The following ABCC6 variants were observed in gnomAD, a reference collection of about 807,000 sequenced individuals.
The protein encoded by ABCC6 is ATP binding cassette subfamily C member 6, also known as ATP-binding cassette sub-family C member 6.
Under a neutral mutation model 169.5 loss-of-function variants are expected in ABCC6, and 126 were observed. That is an observed-to-expected ratio of 0.74 (90% CI 0.64 to 0.86). The LOEUF is 0.86. Among genes scored for constraint, ABCC6 ranks in the 40% least tolerant of loss-of-function variants. The pLI, the probability that ABCC6 is intolerant of heterozygous loss-of-function variation, is 0.00. For synonymous variants in ABCC6, 752 were observed against 814.7 expected (o/e 0.92, Z 1.31); for missense variants, 1,733 against 1,927.2 (o/e 0.90, Z 1.89).
At chr16:16,174,917 C>T (rs369642198) in intron 20 of ABCC6, among the ~76,000 whole-genome samples, 3 of 151,308 alleles carry the variant, frequency 2.0e-5, no homozygotes, top group East Asian at 4.0e-4. Context: ...CATGCCACCA[C>T]GCCGGCTTTT....
In ABCC6 at chr16:16,190,257, G is replaced by T; in HGVS notation, c.1542C>A (p.Val514=). ...HGWEGAFLDR[V]LGIRGQELGA... ...CCAGCTCCTGGCCTCGGATGCCCAGGACTCTGTCCAGAAAGGCTCCCTCCC... is the reference window on the plus strand; with the variant it reads ...CCAGCTCCTGGCCTCGGATGCCCAGTACTCTGTCCAGAAAGGCTCCCTCCC... Residue 514 remains valine, a synonymous_variant, in exon 12 of 31, where the codon GTC becomes GTA. Coordinates refer to ENST00000205557, the MANE Select transcript of ABCC6 (RefSeq NM_001171.6). 6.2e-7 allele frequency: 1 copy of T among 1,614,134 alleles called. No homozygotes were observed. Among genetic ancestry groups the T allele is most frequent in the Non-Finnish European group, 8.5e-7 (1 of 1,180,032 alleles).
At chr16:16,175,278 C>G (rs1231833083) in intron 20 of ABCC6, among the ~76,000 whole-genome samples, 3 of 152,178 alleles carry the variant, frequency 2.0e-5, no homozygotes, top group African/African-American at 7.2e-5. Context: ...CCGCCCACCA[C>G]CCCTGTATAG....
Position 16,159,557 on chromosome 16 carries a change from A to G in ABCC6, c.3660T>C (p.Val1220=), listed in dbSNP as rs371191765. 6.2e-7 allele frequency: 1 copy of G among 1,613,980 alleles called. No individual in the cohort carries two copies. The highest frequency in any genetic ancestry group is 8.5e-7 in the Non-Finnish European group (1 of 1,180,008). ...TGTTCTCTAGGTCTGTCCAGTTGCG[A>G]ACAACCCACTGCAGTGTCTGGGTCA... The part of the protein sequence containing the change: ...LQVTQTLQWV[V]RNWTDLENSI... The change falls in exon 26 of 31, where the codon GTT becomes GTC. Residue 1220 remains valine, a synonymous_variant. Transcript: ENST00000205557.
At chr16:16,152,085 A>G (rs1168042001) in intron 29 of ABCC6, among the ~76,000 whole-genome samples, 1 of 148,526 alleles carries the variant, frequency 6.7e-6, no homozygotes, top group Non-Finnish European at 1.5e-5. Context: ...CCAGGTACTC[A>G]GGAGGCTGAG....
At chr16:16,157,612 A>G in intron 27 of ABCC6, 51 bp downstream of exon 27, 1 of 1,611,864 alleles carries the variant, frequency 6.2e-7, no homozygotes, top group Non-Finnish European at 8.5e-7. Context: ...TTGTCCCTGG[A>G]GTCCTTTGGC....
At chr16:16,188,540 A>T (rs1312558473) in intron 13 of ABCC6, among the ~76,000 whole-genome samples, 1 of 152,208 alleles carries the variant, frequency 6.6e-6, no homozygotes, top group Non-Finnish European at 1.5e-5. Flanking sequence ...AACTGACATG[A>T]TTGCTTGTAT....
intron 4 of ABCC6, among the ~76,000 whole-genome samples, chr16:16,214,706 G>A (rs1457247235): frequency 6.6e-6 from 1 of 152,194 alleles, no homozygotes; most frequent in Non-Finnish European, 1.5e-5. Flanking sequence ...CTGGGTTCAA[G>A]TGATTCTCCT....
At chr16:16,193,043 G>A in intron 10 of ABCC6, 121 bp from the exon 11 acceptor site, 1 of 794,894 alleles carries the variant, frequency 1.3e-6, no homozygotes, top group East Asian at 2.6e-5. Flanking sequence ...GACCTACTGG[G>A]CTGCATTCCC....
At chr16:16,214,527 G>C (rs1214900025) in intron 4 of ABCC6, 78 bp from the exon 5 acceptor site, 1 of 1,549,778 alleles carries the variant, frequency 6.5e-7, no homozygotes, top group African/African-American at 1.4e-5. Flanking sequence ...TCTGATCTTG[G>C]GTCAGTGCCC....
At chr16:16,156,223 C>T (rs548939384) in intron 27 of ABCC6, among the ~76,000 whole-genome samples, 1 of 152,276 alleles carries the variant, frequency 6.6e-6, no homozygotes, top group East Asian at 1.9e-4. Context: ...GCCAACAATG[C>T]TGTTTATTAT....
chr16:16,168,410 C>T (rs1421490117), intron 22 of ABCC6, among the ~76,000 whole-genome samples: 1 of 150,030 alleles, frequency 6.7e-6, no homozygotes, highest in Non-Finnish European at 1.5e-5. Flanking sequence ...TGCTTGAGCC[C>T]AGGAGGCAGA....
Position 16,182,914 on chromosome 16 carries a change from G to T in ABCC6, c.1960C>A (p.Pro654Thr). 6.2e-7 allele frequency: 1 copy of T among 1,614,140 alleles called. No homozygotes were observed. The highest frequency in any genetic ancestry group is 2.2e-5 in the East Asian group (1 of 44,872). Residue 654 changes from proline (P) to threonine (T), a missense_variant, in exon 16 of 31, where the codon CCC (proline) becomes ACC (threonine). Coordinates refer to ENST00000205557, the MANE Select transcript of ABCC6 (RefSeq NM_001171.6). ...ACAACAGCCAGCAGACAGCCCTGGG[G>T]CACCGTGAGGTTTATTCTGGACACG... The part of the protein sequence containing the change: ...PCLHRINLTV[P>T]QGCLLAVVGP...
In ABCC6 at chr16:16,150,561, C is replaced by CG. The variant is rs1555506637; in HGVS notation, c.4403+16dup. The CG allele has an allele frequency of 1.2e-5, 20 of 1,603,802 alleles. No homozygotes were observed. Among genetic ancestry groups the CG allele is most frequent in the Non-Finnish European group, 1.7e-5 (20 of 1,173,426 alleles). ...CTGCAGGGCTGCTGTGAGGTCAGGCCGGGGCGGGAGCCTTACCGGGCACAG... is the reference window on the plus strand; with the variant it reads ...CTGCAGGGCTGCTGTGAGGTCAGGCCGGGGGCGGGAGCCTTACCGGGCACAG... On this transcript the variant is annotated intron_variant, in intron 30 of 30. Transcript: ENST00000205557.
intron 14 of ABCC6, among the ~76,000 whole-genome samples, chr16:16,185,617 C>G (rs2047631552): frequency 6.6e-6 from 1 of 152,040 alleles, no homozygotes; most frequent in Admixed American, 6.6e-5. Context: ...AACCCTGCCT[C>G]TACCAAAAAA....
intron 15 of ABCC6, 150 bp downstream of exon 15, chr16:16,184,809 A>T (rs908034460): frequency 2.6e-5 from 21 of 808,162 alleles, no homozygotes. Context: ...GTATCCTGAG[A>T]ACCTCCCCGG....
Position 16,149,736 on chromosome 16 carries a change from C to A in ABCC6, c.*397G>T. Reference sequence around the variant, plus strand: ...AACTGCATGTGAGTCTGGGATTATCCCAAAATAAAAGTGTTAATTTGTAAA... The same window carrying A: ...AACTGCATGTGAGTCTGGGATTATCACAAAATAAAAGTGTTAATTTGTAAA... On this transcript the variant is annotated 3_prime_UTR_variant, in exon 31 of 31. Coordinates refer to ENST00000205557, the MANE Select transcript of ABCC6 (RefSeq NM_001171.6). 1 of 358,052 alleles carries A rather than the reference C, an allele frequency of 2.8e-6. No homozygotes were observed. The highest frequency in any genetic ancestry group is 4.3e-5 in the East Asian group (1 of 23,058). 22.2% of individuals were successfully genotyped at this position (358,052 alleles called of 1,614,324 possible).
intron 5 of ABCC6, among the ~76,000 whole-genome samples, chr16:16,213,355 CAA>C (rs1010980678): frequency 1.4e-4 from 22 of 151,934 alleles, no homozygotes; most frequent in East Asian, 1.4e-3. Flanking sequence ...CTCGGTCTCC[CAA>C]AGTGTTGAGA....
chr16:16,152,603 AT>A (rs2046420329), intron 29 of ABCC6, among the ~76,000 whole-genome samples: 1 of 151,968 alleles, frequency 6.6e-6, no homozygotes, highest in Non-Finnish European at 1.5e-5. Flanking sequence ...AACTTTGTGC[AT>A]ATAATTCAAT....
At position 16,169,794 on chromosome 16, in the gene ABCC6, G is replaced by C. The variant is rs553008971; in HGVS notation, c.2847C>G (p.Tyr949Ter). The change falls in exon 22 of 31, where the codon TAC (tyrosine) becomes TAG (stop). Residue 949 changes from tyrosine to a stop codon, truncating the protein, a stop_gained. Coordinates refer to ENST00000205557, the MANE Select transcript of ABCC6 (RefSeq NM_001171.6). LOFTEE classifies it high-confidence loss of function. ...GCTGGCAGAGGAAGAGGAAGAGTGCGTAGAGGCAGAGGGGGGTGCCCACGG... is the reference window on the plus strand; with the variant it reads ...GCTGGCAGAGGAAGAGGAAGAGTGCCTAGAGGCAGAGGGGGGTGCCCACGG... ...LRAVGTPLCL[Y>*]ALFLFLCQQV... The C allele has an allele frequency of 6.3e-7, 1 of 1,579,054 alleles. No homozygotes were observed. Among genetic ancestry groups the C allele is most frequent in the South Asian group, 1.2e-5 (1 of 86,746 alleles).
Sources: gnomAD v4.1 joint callset for allele counts (sites outside exome capture counted in the v4.1 genomes callset) on GRCh38, gnomAD v4.1.1 for gene constraint, MANE v1.5 for transcripts, NCBI Gene and HGNC (gene_info 2026-07-23, HGNC 2026-07-21) for gene names.